The following LYPLAL1 variants were observed in gnomAD, a reference collection of about 807,000 sequenced individuals.
The protein encoded by LYPLAL1 is lysophospholipase-like protein 1.
In LYPLAL1, 23 loss-of-function variants were observed where a neutral mutation model predicts 19.7. That is an observed-to-expected ratio of 1.17 (90% CI 0.84 to 1.65). LYPLAL1 has a LOEUF of 1.65. LYPLAL1 is among the 40% of genes most tolerant of loss of function. The pLI, the probability that LYPLAL1 is intolerant of heterozygous loss-of-function variation, is 0.00. For synonymous variants in LYPLAL1, 119 were observed against 96.3 expected (o/e 1.24, Z -1.38); for missense variants, 355 against 279.4 (o/e 1.27, Z -1.93).
the LYPLAL1 span, among the ~76,000 whole-genome samples, chr1:219,264,366 A>G: frequency 6.6e-6 from 1 of 152,156 alleles, no homozygotes; most frequent in African/African-American, 2.4e-5. Flanking sequence ...TTTTTTCTGT[A>G]AAATACTTCA....
At chr1:219,213,383 A>G (rs1659173446), downstream of LYPLAL1, among the ~76,000 whole-genome samples, 1 of 148,376 alleles carries the variant, frequency 6.7e-6, no homozygotes, top group Non-Finnish European at 1.5e-5. Flanking sequence ...TTTTTTCAAG[A>G]TTGCTTTTGA....
the LYPLAL1 span, among the ~76,000 whole-genome samples, chr1:219,343,904 T>G: frequency 6.6e-6 from 1 of 152,142 alleles, no homozygotes; most frequent in Admixed American, 6.5e-5. Context: ...GAAAAGTAAG[T>G]CACTCTTCTT....
chr1:219,369,209 G>C, the LYPLAL1 span, among the ~76,000 whole-genome samples: 13 of 152,226 alleles, frequency 8.5e-5, no homozygotes, highest in Admixed American at 8.5e-4. Context: ...GTCATCTTGT[G>C]TATAAAATGA....
the LYPLAL1 span, among the ~76,000 whole-genome samples, chr1:219,331,927 A>G: frequency 3.3e-5 from 5 of 152,162 alleles, no homozygotes; most frequent in Non-Finnish European, 7.3e-5. Context: ...GGGATTTCAC[A>G]GTGGAATTCT....
the LYPLAL1 span, chr1:219,222,887 G>A: frequency 6.6e-6 from 1 of 152,152 alleles, no homozygotes; most frequent in Non-Finnish European, 1.5e-5. Context: ...TCCACACATT[G>A]TGGAATGGAG....
At chr1:219,174,217 C>G (rs568878655) in intron 1 of LYPLAL1, 12 of 1,395,414 alleles carry the variant, frequency 8.6e-6, no homozygotes, top group Non-Finnish European at 1.1e-5. Flanking sequence ...GCTTTGGGGC[C>G]TTGTGTCCCG....
At chr1:219,370,741 G>A in the LYPLAL1 span, among the ~76,000 whole-genome samples, 289 of 152,280 alleles carry the variant, frequency 1.9e-3, no homozygotes, top group African/African-American at 5.8e-3. Flanking sequence ...ATAGCTATAT[G>A]GAGTTCAGAA....
chr1:219,340,501 T>C, the LYPLAL1 span, among the ~76,000 whole-genome samples: 4 of 151,996 alleles, frequency 2.6e-5, no homozygotes, highest in Admixed American at 1.3e-4. Context: ...GGAGGGGAAG[T>C]TACATTACAT....
the LYPLAL1 span, among the ~76,000 whole-genome samples, chr1:219,382,304 T>C: frequency 6.6e-6 from 1 of 152,214 alleles, no homozygotes. Flanking sequence ...GCTAGACTCA[T>C]GGTGAAGAAA....
the LYPLAL1 span, among the ~76,000 whole-genome samples, chr1:219,291,063 A>G: frequency 6.6e-6 from 1 of 152,202 alleles, no homozygotes; most frequent in African/African-American, 2.4e-5. Flanking sequence ...CACTTCAAGG[A>G]TTGTTAACCA....
At chr1:219,429,548 T>C in the LYPLAL1 span, among the ~76,000 whole-genome samples, 2 of 152,040 alleles carry the variant, frequency 1.3e-5, no homozygotes, top group East Asian at 1.9e-4. Context: ...GTTCCACCAC[T>C]TGGGGGGCTG....
chr1:219,196,670 T>G (rs1159085953), intron 3 of LYPLAL1, among the ~76,000 whole-genome samples: 1 of 151,992 alleles, frequency 6.6e-6, no homozygotes, highest in Non-Finnish European at 1.5e-5. Flanking sequence ...GAAAAAGAAA[T>G]AAAAAGTGTG....
At chr1:219,338,585 T>A in the LYPLAL1 span, among the ~76,000 whole-genome samples, 2 of 151,706 alleles carry the variant, frequency 1.3e-5, no homozygotes, top group Non-Finnish European at 2.9e-5. Context: ...GATAACTAAT[T>A]GAGATCATGT....
chr1:219,306,156 AG>A, the LYPLAL1 span, among the ~76,000 whole-genome samples: 6 of 152,194 alleles, frequency 3.9e-5, no homozygotes, highest in African/African-American at 1.4e-4. Context: ...AGACTTTGAG[AG>A]GCCAAGTCCA....
chr1:219,387,351 G>T, the LYPLAL1 span, among the ~76,000 whole-genome samples: 1 of 152,126 alleles, frequency 6.6e-6, no homozygotes, highest in Non-Finnish European at 1.5e-5. Context: ...TAAAAGGAAA[G>T]AAATTAAACA....
chr1:219,262,163 G>T, the LYPLAL1 span, among the ~76,000 whole-genome samples: 1 of 151,870 alleles, frequency 6.6e-6, no homozygotes, highest in African/African-American at 2.4e-5. Context: ...GGTGTAATTT[G>T]TATTTCTCTA....
the LYPLAL1 span, among the ~76,000 whole-genome samples, chr1:219,227,990 A>G: frequency 2.0e-5 from 3 of 152,132 alleles, no homozygotes; most frequent in African/African-American, 4.8e-5. Context: ...AGTTCATCCC[A>G]TCACTTGTCA....
At chr1:219,406,551 T>C in the LYPLAL1 span, among the ~76,000 whole-genome samples, 34,864 of 152,220 alleles carry the variant, frequency 0.23, 5,224 homozygotes, top group East Asian at 0.53. Context: ...TTAGAGATTG[T>C]ACTCTTCAAA....
chr1:219,359,727 T>C, the LYPLAL1 span, among the ~76,000 whole-genome samples: 1 of 152,180 alleles, frequency 6.6e-6, no homozygotes. Context: ...GGATATAAAC[T>C]GATTGTAAAG....
Sources: gnomAD v4.1 joint callset for allele counts (sites outside exome capture counted in the v4.1 genomes callset) on GRCh38, gnomAD v4.1.1 for gene constraint, MANE v1.5 for transcripts, NCBI Gene and HGNC (gene_info 2026-07-23, HGNC 2026-07-21) for gene names.